MICALL1: variants seen among roughly 807,000 people sequenced by gnomAD.
MICALL1 encodes MICAL-like protein 1.
In MICALL1, 61 loss-of-function variants were observed where a neutral mutation model predicts 83.7. The ratio of observed to expected loss-of-function variants is 0.73; its 90% CI spans 0.59 to 0.90. The LOEUF is 0.90. MICALL1 is among the 40% of genes least tolerant of loss of function. MICALL1 has a pLI of 0.00. For synonymous variants in MICALL1, 481 were observed against 473.6 expected (o/e 1.02, Z -0.20); for missense variants, 1,066 against 1,152.0 (o/e 0.93, Z 1.08).
At chr22:37,935,643 C>T (rs1254370887) in intron 13 of MICALL1, among the ~76,000 whole-genome samples, 1 of 151,970 alleles carries the variant, frequency 6.6e-6, no homozygotes, top group Non-Finnish European at 1.5e-5. Flanking sequence ...ACCTCCGCCT[C>T]CCAGGTTCAA....
rs761078435 is a variant in MICALL1 at position 37,932,576 on chromosome 22, T to A, written c.2040T>A (p.Pro680=). The change falls in exon 11 of 16, where the codon CCT becomes CCA. Residue 680 remains proline (P), a synonymous_variant. Coordinates refer to ENST00000215957, the MANE Select transcript of MICALL1 (RefSeq NM_033386.4). This position sits in a 1 kb window ranked among gnomAD's most constrained non-coding sequence, Gnocchi z 4.4. ...AGGTCCAGGCTGACCAGTACATCCC[T>A]GAGGAGGACATCCATGGAGAGATGG... The part of the protein sequence containing the change: ...KRKVQADQYI[P]EEDIHGEMDT... 1 of 1,614,120 alleles carries A rather than the reference T, an allele frequency of 6.2e-7. No homozygotes were observed. Among genetic ancestry groups the A allele is most frequent in the South Asian group, 1.1e-5 (1 of 91,084 alleles).
chr22:37,906,626 CG>C lies in MICALL1; in HGVS notation c.146+59del. The C allele has an allele frequency of 8.8e-7, 1 of 1,136,664 alleles. No homozygotes were observed. Among genetic ancestry groups the C allele is most frequent in the Non-Finnish European group, 1.1e-6 (1 of 923,884 alleles). The allele number at this position is 1,136,664 out of a possible 1,614,324, so 70.4% of individuals were successfully genotyped here. On this transcript the variant is annotated intron_variant, in intron 1 of 15. Transcript: ENST00000215957. This position sits in a 1 kb window ranked among gnomAD's most constrained non-coding sequence, Gnocchi z 4.4. ...CGGGGCGGGCTGGGGCCGCGACCGC[CG>C]CCCCCCCTCAGTAACACGAAGCCCG...
At chr22:37,917,910 AG>A in intron 4 of MICALL1, 115 bp downstream of exon 4, 1 of 933,390 alleles carries the variant, frequency 1.1e-6, no homozygotes. Flanking sequence ...CAGTGTTCAG[AG>A]GGTGCTTGTT....
At chr22:37,920,236 A>G (rs1359241224) in intron 5 of MICALL1, among the ~76,000 whole-genome samples, 1 of 152,102 alleles carries the variant, frequency 6.6e-6, no homozygotes, top group East Asian at 1.9e-4. Context: ...AACTTAGAAA[A>G]TTCATGGAAA....
At position 37,933,069 on chromosome 22, in the gene MICALL1, G is replaced by C; in HGVS notation, c.2265G>C (p.Gln755His). The C allele has an allele frequency of 6.2e-7, 1 of 1,614,032 alleles. No individual in the cohort carries two copies. Among genetic ancestry groups the C allele is most frequent in the Non-Finnish European group, 8.5e-7 (1 of 1,180,004 alleles). ...AGCAGCAGAACCTGGAGCAGCGCCA[G>C]GCTGATGTCGAGTATGAGCTCCGGT... is the stretch of plus-strand genomic sequence containing the variant. ...VFKQQNLEQRQADVEYELRCL... is the reference protein window; with the variant it reads ...VFKQQNLEQRHADVEYELRCL... Residue 755 changes from glutamine (Q) to histidine (H), a missense_variant, in exon 13 of 16, where the codon CAG becomes CAC. Coordinates refer to ENST00000215957, the MANE Select transcript of MICALL1 (RefSeq NM_033386.4).
At chr22:37,912,246 C>A (rs1928375875) in intron 2 of MICALL1, 105 bp from the exon 3 acceptor site, 2 of 1,400,556 alleles carry the variant, frequency 1.4e-6, no homozygotes, top group Non-Finnish European at 1.9e-6. Context: ...CACAGTCACC[C>A]CATCCCACTG....
At chr22:37,937,820 G>T (rs781324298) in intron 15 of MICALL1, 28 bp downstream of exon 15, 2 of 1,612,648 alleles carry the variant, frequency 1.2e-6, no homozygotes, top group Non-Finnish European at 8.5e-7. Context: ...GATGAGGCTG[G>T]TGAGCACTTG....
At chr22:37,935,582 T>C (rs1930072411) in intron 13 of MICALL1, among the ~76,000 whole-genome samples, 1 of 151,466 alleles carries the variant, frequency 6.6e-6, no homozygotes, top group Admixed American at 6.6e-5. Flanking sequence ...AGATGGAGTG[T>C]CACTGTGACA....
chr22:37,918,829 C>G (rs1010806850), intron 4 of MICALL1, among the ~76,000 whole-genome samples: 3 of 152,262 alleles, frequency 2.0e-5, no homozygotes, highest in East Asian at 1.9e-4. Context: ...TTCCTCCGTT[C>G]TGGGCTTTGG....
chr22:37,912,496 A>G lies in MICALL1; in HGVS notation c.337+4A>G. On this transcript the variant is annotated splice_donor_region_variant and intron_variant, in intron 3 of 15. Transcript: ENST00000215957. ...CACTTCTGCAGTCCTGGCCAAGGTG[A>G]GAGGGGGACTCAGCGTTTCACGGAG... 2.5e-6 allele frequency: 4 copies of G among 1,595,616 alleles called. No individual in the cohort carries two copies. Among genetic ancestry groups the G allele is most frequent in the Non-Finnish European group, 3.4e-6 (4 of 1,166,602 alleles).
Position 37,927,846 on chromosome 22 carries a change from C to A in MICALL1, c.1881+20C>A. 1 of 1,579,178 alleles carries A rather than the reference C, an allele frequency of 6.3e-7. No individual in the cohort carries two copies. ...GTAAAGGTGAGTGCCCCCTCACCCTCACTAAAAGTGACATCCTCTCTAGTG... is the reference window on the plus strand; with the variant it reads ...GTAAAGGTGAGTGCCCCCTCACCCTAACTAAAAGTGACATCCTCTCTAGTG... On this transcript the variant is annotated intron_variant, in intron 9 of 15. Coordinates refer to ENST00000215957, the MANE Select transcript of MICALL1 (RefSeq NM_033386.4).
chr22:37,913,352 T>C (rs1260594788), intron 3 of MICALL1, among the ~76,000 whole-genome samples: 1 of 152,140 alleles, frequency 6.6e-6, no homozygotes, highest in African/African-American at 2.4e-5. Context: ...GTGGGGGAGA[T>C]AGACACCAAA....
chr22:37,931,729 A>G (rs1396331409), intron 9 of MICALL1, 70 bp from the exon 10 acceptor site: 4 of 1,585,014 alleles, frequency 2.5e-6, no homozygotes, highest in Non-Finnish European at 3.4e-6. Context: ...ATGTTCCCAA[A>G]TATGAGGCTG....
intron 7 of MICALL1, among the ~76,000 whole-genome samples, chr22:37,925,042 C>A (rs768617296): frequency 2.0e-5 from 3 of 152,156 alleles, no homozygotes; most frequent in Non-Finnish European, 4.4e-5. Context: ...TGAGGCTTAG[C>A]AGCAGAGTAT....
At chr22:37,923,705 G>A (rs1929240912) in intron 6 of MICALL1, among the ~76,000 whole-genome samples, 1 of 152,200 alleles carries the variant, frequency 6.6e-6, no homozygotes, top group African/African-American at 2.4e-5. Flanking sequence ...AGGGTGTGTA[G>A]TAAGTGCCAC....
chr22:37,913,135 G>A (rs1928447795), intron 3 of MICALL1, among the ~76,000 whole-genome samples: 2 of 147,048 alleles, frequency 1.4e-5, no homozygotes, highest in South Asian at 4.4e-4. Flanking sequence ...GCTAATTTTT[G>A]GTATTTTTAG....
intron 4 of MICALL1, among the ~76,000 whole-genome samples, chr22:37,918,672 C>G (rs966388689): frequency 6.6e-6 from 1 of 152,198 alleles, no homozygotes; most frequent in Non-Finnish European, 1.5e-5. Context: ...GGGGCTCCCC[C>G]GCAAAGGGGA....
At chr22:37,914,526 C>T (rs1928549387) in intron 3 of MICALL1, among the ~76,000 whole-genome samples, 1 of 151,232 alleles carries the variant, frequency 6.6e-6, no homozygotes, top group Admixed American at 6.6e-5. Flanking sequence ...TGCACCCAGC[C>T]ATCTTTTCTT....
chr22:37,932,946 AC>A lies in MICALL1; in HGVS notation c.2234+61del. 6.2e-7 allele frequency: 1 copy of A among 1,611,166 alleles called. No homozygotes were observed. Among genetic ancestry groups the A allele is most frequent in the South Asian group, 1.1e-5 (1 of 91,032 alleles). ...GAATCCGTAGAGCTTAGAATGGAGAACCCTTACCCTCTTCCCTCATCAGTAA... is the reference window on the plus strand; with the variant it reads ...GAATCCGTAGAGCTTAGAATGGAGAACCTTACCCTCTTCCCTCATCAGTAA... On this transcript the variant is annotated intron_variant, in intron 12 of 15. Coordinates refer to ENST00000215957, the MANE Select transcript of MICALL1 (RefSeq NM_033386.4). This position sits in a 1 kb window ranked among gnomAD's most constrained non-coding sequence, Gnocchi z 4.4.
Sources: allele counts gnomAD v4.1 joint callset (sites outside exome capture counted in the v4.1 genomes callset), GRCh38; gene constraint gnomAD v4.1.1; non-coding constraint Gnocchi (gnomAD v3.1); transcripts MANE v1.5; gene names NCBI Gene and HGNC (gene_info 2026-07-23, HGNC 2026-07-21).